EHBP1: variants seen among roughly 807,000 people sequenced by gnomAD.
EHBP1 encodes EH domain binding protein 1, also known as EH domain-binding protein 1.
In EHBP1, 55 loss-of-function variants were observed where a neutral mutation model predicts 144.0. The ratio of observed to expected loss-of-function variants is 0.38; its 90% CI spans 0.31 to 0.48. The LOEUF (loss-of-function observed/expected upper bound fraction) is 0.48, where lower values mean the gene tolerates loss of function less well. Among genes scored for constraint, EHBP1 ranks in the 20% least tolerant of loss-of-function variants. The pLI is 0.98. For missense variants in EHBP1, 1,200 were observed against 1,364.2 expected (o/e 0.88, Z 1.90); for synonymous variants, 469 against 472.7 (o/e 0.99, Z 0.10).
intron 10 of EHBP1, among the ~76,000 whole-genome samples, chr2:62,880,374 T>G (rs558338263): frequency 1.5e-5 from 2 of 137,714 alleles, no homozygotes; most frequent in African/African-American, 5.3e-5. Context: ...AATTGATAAA[T>G]GAGACCTAAT....
chr2:62,973,896 T>A (rs1489350110), intron 14 of EHBP1, among the ~76,000 whole-genome samples: 1 of 151,828 alleles, frequency 6.6e-6, no homozygotes, highest in East Asian at 1.9e-4. Context: ...CTACTCGGGG[T>A]GGTGGCAGGG....
At chr2:62,798,261 G>A (rs557184598) in intron 5 of EHBP1, among the ~76,000 whole-genome samples, 13 of 152,168 alleles carry the variant, frequency 8.5e-5, no homozygotes, top group South Asian at 6.2e-4. Context: ...CCAACTGCTC[G>A]GGAGGCTGAA....
In EHBP1 at chr2:62,766,697, A is replaced by G. The variant is rs959273434; in HGVS notation, c.258+2336A>G. Among the ~76,000 whole-genome samples, 5 of 152,256 alleles carry G rather than the reference A, an allele frequency of 3.3e-5. No homozygotes were observed. In the East Asian group the frequency reaches 9.7e-4, roughly 29 times the overall value. On this transcript the variant is annotated intron_variant, in intron 4 of 22. Coordinates refer to ENST00000431489, the MANE Select transcript of EHBP1 (RefSeq NM_001142616.3). ...ACTCTAAAATCTGTGGAAATCTTAT[A>G]TAATCCCACCCAGCCCAGATGTTTT...
intron 10 of EHBP1, among the ~76,000 whole-genome samples, chr2:62,915,754 G>A (rs2054564422): frequency 6.6e-6 from 1 of 151,982 alleles, no homozygotes; most frequent in South Asian, 2.1e-4. Flanking sequence ...GGTTTGATTA[G>A]GCATACAGGA....
At chr2:63,006,869 A>G (rs989554249) in intron 19 of EHBP1, among the ~76,000 whole-genome samples, 3 of 151,786 alleles carry the variant, frequency 2.0e-5, no homozygotes, top group African/African-American at 7.2e-5. Flanking sequence ...TAATTTCTGT[A>G]TATTTAAATA....
At chr2:62,951,538 G>GGT (rs1553485967) in intron 13 of EHBP1, among the ~76,000 whole-genome samples, 2 of 142,038 alleles carry the variant, frequency 1.4e-5, no homozygotes, top group Non-Finnish European at 3.1e-5. Flanking sequence ...TTTTTTTGGG[G>GGT]GGGGGGGGTG....
chr2:63,019,449 G>A (rs955996839), intron 19 of EHBP1, among the ~76,000 whole-genome samples: 9 of 152,284 alleles, frequency 5.9e-5, no homozygotes, highest in African/African-American at 2.2e-4. Flanking sequence ...AGTGGCTCAC[G>A]TCTGTAATCC....
chr2:62,943,718 T>A, intron 11 of EHBP1, 84 bp from the exon 12 acceptor site: 2 of 926,744 alleles, frequency 2.2e-6, no homozygotes, highest in Admixed American at 5.6e-5. Flanking sequence ...TTATTGAATG[T>A]CAAATTTTTA....
intron 5 of EHBP1, among the ~76,000 whole-genome samples, chr2:62,791,936 A>G (rs920568937): frequency 1.3e-5 from 2 of 152,016 alleles, no homozygotes; most frequent in African/African-American, 4.8e-5. Context: ...CCAAAAAATA[A>G]CACTCAGCAG....
rs1361312807 is a variant in EHBP1 at position 63,045,393 on chromosome 2, G to A, written c.3393-17G>A. 1 of 1,612,626 alleles carries A rather than the reference G, an allele frequency of 6.2e-7. No individual in the cohort carries two copies. The highest frequency in any genetic ancestry group is 1.1e-5 in the South Asian group (1 of 91,044). ...AATAATTTTGTTTCCTGTTTGTCCT[G>A]TTTGTCTGACATCCAGGGCCGAAGA... On this transcript the variant is annotated splice_polypyrimidine_tract_variant and intron_variant, in intron 22 of 22. Coordinates refer to ENST00000431489, the MANE Select transcript of EHBP1 (RefSeq NM_001142616.3). This position sits in a 1 kb window ranked among gnomAD's most constrained non-coding sequence, Gnocchi z 5.7.
chr2:62,745,283 ATACT>A (rs952885137), intron 2 of EHBP1, among the ~76,000 whole-genome samples: 2 of 152,074 alleles, frequency 1.3e-5, no homozygotes, highest in African/African-American at 4.8e-5. Flanking sequence ...GAAATAATAA[ATACT>A]TACAATGCAA....
intron 10 of EHBP1, among the ~76,000 whole-genome samples, chr2:62,924,945 A>G (rs563459022): frequency 2.0e-5 from 3 of 152,342 alleles, no homozygotes; most frequent in East Asian, 3.9e-4. Context: ...GGACACAAAA[A>G]TCTTCAACAA....
Position 63,045,054 on chromosome 2 carries a change from C to G in EHBP1, c.3278-12C>G, listed in dbSNP as rs969852967. On this transcript the variant is annotated splice_polypyrimidine_tract_variant and intron_variant, in intron 21 of 22. Coordinates refer to ENST00000431489, the MANE Select transcript of EHBP1 (RefSeq NM_001142616.3). The surrounding 1 kb of genome is among the most constrained non-coding windows in gnomAD (Gnocchi z 5.7). ...CCCTGCCGGTGGGTAACTAGCCTCCCGTCTTCTGCAGACTGGCAGAAGACC... is the reference window on the plus strand; with the variant it reads ...CCCTGCCGGTGGGTAACTAGCCTCCGGTCTTCTGCAGACTGGCAGAAGACC... The G allele has an allele frequency of 4.5e-6, 7 of 1,539,114 alleles. No homozygotes were observed. The East Asian group carries it at 7.4e-5, about 16-fold the overall frequency.
At chr2:62,881,087 T>C (rs1308881182) in intron 10 of EHBP1, among the ~76,000 whole-genome samples, 2 of 152,142 alleles carry the variant, frequency 1.3e-5, no homozygotes, top group Non-Finnish European at 2.9e-5. Context: ...TCATGTTCTT[T>C]GCAGCACATG....
chr2:62,940,223 A>C (rs1042217476), intron 10 of EHBP1: 3 of 320,818 alleles, frequency 9.4e-6, no homozygotes, highest in African/African-American at 4.3e-5. Flanking sequence ...TGAGATTGTT[A>C]AATAGATTTA....
intron 19 of EHBP1, among the ~76,000 whole-genome samples, chr2:63,025,899 A>C (rs2060952378): frequency 1.3e-5 from 2 of 152,308 alleles, no homozygotes; most frequent in South Asian, 4.1e-4. Flanking sequence ...TTAACAGAAC[A>C]TGTGTAACCT....
intron 19 of EHBP1, among the ~76,000 whole-genome samples, chr2:63,002,979 C>G (rs1420593780): frequency 6.6e-6 from 1 of 151,970 alleles, no homozygotes; most frequent in Non-Finnish European, 1.5e-5. Flanking sequence ...TTACTTTTAT[C>G]TCATTTTCTC....
chr2:62,733,820 C>A (rs1387318443), intron 2 of EHBP1, among the ~76,000 whole-genome samples: 1 of 152,176 alleles, frequency 6.6e-6, no homozygotes, highest in East Asian at 1.9e-4. Context: ...TTTTAACTCT[C>A]AGACTTGTCC....
In EHBP1 at chr2:62,955,554, G is replaced by C; in HGVS notation, c.2354G>C (p.Arg785Thr). The C allele has an allele frequency of 6.2e-7, 1 of 1,612,714 alleles. No homozygotes were observed. The highest frequency in any genetic ancestry group is 1.1e-5 in the South Asian group (1 of 90,920). Reference sequence around the variant, plus strand: ...TCTAGACAAGAAGAACTTAAGGAAAGAGCAAGAGTTCTGCTTGAGCAAGCA... The same window carrying C: ...TCTAGACAAGAAGAACTTAAGGAAACAGCAAGAGTTCTGCTTGAGCAAGCA... ...LLSRQEELKE[R>T]ARVLLEQARR... The change falls in exon 14 of 23, where the codon AGA (arginine) becomes ACA (threonine). Residue 785 changes from arginine (R) to threonine (T), a missense_variant. Arg to Thr is a moderately conservative substitution (Grantham distance 71). Coordinates refer to ENST00000431489, the MANE Select transcript of EHBP1 (RefSeq NM_001142616.3).
Sources: gnomAD v4.1 joint callset for allele counts (sites outside exome capture counted in the v4.1 genomes callset) on GRCh38, gnomAD v4.1.1 for gene constraint, Gnocchi (gnomAD v3.1) non-coding constraint, MANE v1.5 for transcripts, NCBI Gene and HGNC (gene_info 2026-07-23, HGNC 2026-07-21) for gene names.